Variants in TTI1 observed in about 807,000 individuals in gnomAD.
The protein encoded by TTI1 is TELO2-interacting protein 1 homolog.
In TTI1, 52 loss-of-function variants were observed where a neutral mutation model predicts 85.4. That is an observed-to-expected ratio of 0.61 (90% CI 0.49 to 0.77). The LOEUF (loss-of-function observed/expected upper bound fraction) is 0.77, where lower values mean the gene tolerates loss of function less well. TTI1 is among the 30% of genes least tolerant of loss of function. The pLI is 0.00. For missense variants in TTI1, 1,173 were observed against 1,296.0 expected, an observed-to-expected ratio of 0.91 and a Z score of 1.46; for synonymous variants, 512 against 503.9, an observed-to-expected ratio of 1.02 and a Z score of -0.22.
chr20:38,027,169 T>G (rs1419341365), intron 1 of TTI1, among the ~76,000 whole-genome samples: 1 of 152,130 alleles, frequency 6.6e-6, no homozygotes, highest in Non-Finnish European at 1.5e-5. Flanking sequence ...CAGGGACTGG[T>G]TCCAAGACTT....
chr20:37,985,360 T>C (rs1053375010), intron 7 of TTI1, among the ~76,000 whole-genome samples: 2 of 152,180 alleles, frequency 1.3e-5, no homozygotes, highest in Non-Finnish European at 2.9e-5. Flanking sequence ...GCCTGCTAAG[T>C]CGGAGTAAAT....
chr20:38,032,675 C>T (rs2073930771), intron 1 of TTI1, among the ~76,000 whole-genome samples: 1 of 152,224 alleles, frequency 6.6e-6, no homozygotes, highest in Admixed American at 6.5e-5. Flanking sequence ...ACCTCTAACT[C>T]CTGGGCTCAA....
At chr20:38,007,748 G>A (rs908610369) in intron 2 of TTI1, among the ~76,000 whole-genome samples, 2 of 152,252 alleles carry the variant, frequency 1.3e-5, no homozygotes, top group African/African-American at 4.8e-5. Flanking sequence ...AGCAGCAGCA[G>A]ATGGGAGATG....
rs543939757 is a variant in TTI1 at position 38,019,125 on chromosome 20, C to T, written c.-41-5268G>A. ...TGATTGTGCCACTGTACTCTAGCCTCGGTGACAGAGTGAGCAGGTCTAAAA... is the reference window on the plus strand; with the variant it reads ...TGATTGTGCCACTGTACTCTAGCCTTGGTGACAGAGTGAGCAGGTCTAAAA... On this transcript the variant is annotated intron_variant, in intron 1 of 7. Coordinates refer to ENST00000373447, the MANE Select transcript of TTI1 (RefSeq NM_001303457.2). 6.7e-5 allele frequency: 10 copies of T among 148,908 alleles called. No homozygotes were observed. The South Asian group carries it at 8.5e-4, about 13-fold the overall frequency. The allele number at this position is 148,908 out of a possible 1,614,324, so 9.2% of individuals were successfully genotyped here. A position where few individuals can be genotyped will look rare whatever the true frequency, so the allele number is the denominator to read the frequency against.
At position 38,003,627 on chromosome 20, in the gene TTI1, C is replaced by T. The variant is rs6123257; in HGVS notation, c.2504-851G>A. On this transcript the variant is annotated intron_variant, in intron 3 of 7. Coordinates refer to ENST00000373447, the MANE Select transcript of TTI1 (RefSeq NM_001303457.2). ...ATTAGCCGGGCATAGTGGCGGGCGCCTGTAATCTTAACTACTTGGGAGGGT... is the reference window on the plus strand; with the variant it reads ...ATTAGCCGGGCATAGTGGCGGGCGCTTGTAATCTTAACTACTTGGGAGGGT... 5.7e-4 allele frequency among the ~76,000 whole-genome samples: 86 copies of T among 152,094 alleles called. 1 individual carries two copies. The East Asian group carries it at 0.015, about 27-fold the overall frequency.
At chr20:38,020,326 ATATATATATAT>A (rs1568629128) in intron 1 of TTI1, among the ~76,000 whole-genome samples, 12 of 77,558 alleles carry the variant, frequency 1.5e-4, no homozygotes, top group South Asian at 1.4e-3. Context: ...AAAAAAAAAT[ATATATATATAT>A]ATATATATAT....
At chr20:38,022,570 T>C (rs1319159658) in intron 1 of TTI1, among the ~76,000 whole-genome samples, 1 of 152,198 alleles carries the variant, frequency 6.6e-6, no homozygotes, top group Non-Finnish European at 1.5e-5. Context: ...CTATTCCGAA[T>C]CGGATTCTAG....
intron 7 of TTI1, among the ~76,000 whole-genome samples, chr20:37,996,127 C>A (rs537004248): frequency 2.2e-4 from 33 of 152,342 alleles, no homozygotes; most frequent in African/African-American, 7.9e-4. Flanking sequence ...TCCTCTCTAG[C>A]ACACCGTCTT....
At chr20:38,017,994 T>G (rs1166891812) in intron 1 of TTI1, among the ~76,000 whole-genome samples, 3 of 152,228 alleles carry the variant, frequency 2.0e-5, no homozygotes, top group Non-Finnish European at 4.4e-5. Context: ...AGTATTTAAT[T>G]AACAGAAGAA....
At chr20:37,989,691 G>A (rs1446705160) in intron 7 of TTI1, among the ~76,000 whole-genome samples, 3 of 152,188 alleles carry the variant, frequency 2.0e-5, no homozygotes, top group African/African-American at 4.8e-5. Context: ...CTGCACTCTC[G>A]GGCCACATTG....
chr20:38,011,953 T>G lies in TTI1; in HGVS notation c.1864A>C (p.Ser622Arg). The change falls in exon 2 of 8, where the codon AGT becomes CGT. Residue 622 changes from serine (S) to arginine (R), a missense_variant. Ser to Arg is a moderately radical substitution (Grantham distance 110). Transcript: ENST00000373447. ...KPSPTICSMN[S>R]NIWQICIQLE... ...TGAATGCATATTTGCCAGATGTTAC[T>G]GTTCATGGAGCAAATAGTGGGACTT... is the stretch of plus-strand genomic sequence containing the variant. 1.9e-6 allele frequency: 3 copies of G among 1,614,254 alleles called. No homozygotes were observed. Among genetic ancestry groups the G allele is most frequent in the South Asian group, 2.2e-5 (2 of 91,088 alleles).
intron 1 of TTI1, among the ~76,000 whole-genome samples, chr20:38,015,468 G>A (rs2073669309): frequency 6.6e-6 from 1 of 152,140 alleles, no homozygotes; most frequent in Admixed American, 6.5e-5. Flanking sequence ...ATGAACCAGA[G>A]GCTGCTTTGC....
Position 38,012,389 on chromosome 20 carries a change from G to T in TTI1, c.1428C>A (p.Phe476Leu). The T allele has an allele frequency of 6.2e-7, 1 of 1,614,208 alleles. No homozygotes were observed. The highest frequency in any genetic ancestry group is 1.1e-5 in the South Asian group (1 of 91,082). The change falls in exon 2 of 8, where the codon TTC (phenylalanine) becomes TTA (leucine). Residue 476 changes from phenylalanine to leucine, a missense_variant. Transcript: ENST00000373447. ...AGATTCTCTCATCAGTGAAGAAGCG[G>T]AAATATCTCCTCTGGATGCGGTTCC... is the stretch of plus-strand genomic sequence containing the variant. ...QPWNRIQRRYFRFFTDERIFM... is the reference protein window; with the variant it reads ...QPWNRIQRRYLRFFTDERIFM...
At chr20:38,010,837 G>A (rs2073575300) in intron 2 of TTI1, among the ~76,000 whole-genome samples, 1 of 152,168 alleles carries the variant, frequency 6.6e-6, no homozygotes. Flanking sequence ...TCAGTGGGAA[G>A]AAGAGAAACT....
At chr20:38,021,651 T>C (rs758175452) in intron 1 of TTI1, among the ~76,000 whole-genome samples, 1 of 152,186 alleles carries the variant, frequency 6.6e-6, no homozygotes, top group Non-Finnish European at 1.5e-5. Context: ...CTTTCTAGTT[T>C]AGTGGCCCTC....
intron 4 of TTI1, among the ~76,000 whole-genome samples, chr20:38,002,322 C>T (rs980104741): frequency 6.6e-6 from 1 of 152,150 alleles, no homozygotes; most frequent in African/African-American, 2.4e-5. Flanking sequence ...AAACCTGCAT[C>T]CTACATAGCT....
At chr20:38,011,426 CACAAACAATGCA>C in intron 2 of TTI1, 77 bp downstream of exon 2, 1 of 1,458,462 alleles carries the variant, frequency 6.9e-7, no homozygotes, top group South Asian at 1.4e-5. Flanking sequence ...ATAGCATCAC[CACAAACAATGCA>C]AAAAACGAGG....
At position 38,006,255 on chromosome 20, in the gene TTI1, G is replaced by A; in HGVS notation, c.2445C>T (p.Asn815=). The part of the protein sequence containing the change: ...TAEDIEQFLL[N]YLKEKDVADG... ...CTGCCACATCCTTCTCTTTGAGGTA[G>A]TTCAGCAAAAACTGTTCGATGTCTT... Residue 815 remains asparagine, a synonymous_variant, in exon 3 of 8, where the codon AAC becomes AAT. Transcript: ENST00000373447. 2 of 1,614,182 alleles carry A rather than the reference G, an allele frequency of 1.2e-6. No homozygotes were observed. The highest frequency in any genetic ancestry group is 2.2e-5 in the South Asian group (2 of 91,086).
At position 37,983,336 on chromosome 20, in the gene TTI1, T is replaced by C; in HGVS notation, c.*120A>G. On this transcript the variant is annotated 3_prime_UTR_variant, in exon 8 of 8. Transcript: ENST00000373447. ...GTGATCGATCAATTTATAAATCGAT[T>C]GGCTAACTAATTCACCTTCTCTGCT... 1 of 956,804 alleles carries C rather than the reference T, an allele frequency of 1.0e-6. No homozygotes were observed. The highest frequency in any genetic ancestry group is 1.5e-6 in the Non-Finnish European group (1 of 659,378). 59.3% of individuals were successfully genotyped at this position (956,804 alleles called of 1,614,324 possible). A position where few individuals can be genotyped will look rare whatever the true frequency, so the allele number is the denominator to read the frequency against.
Sources: allele counts gnomAD v4.1 joint callset (sites outside exome capture counted in the v4.1 genomes callset), GRCh38; gene constraint gnomAD v4.1.1; transcripts MANE v1.5; gene names NCBI Gene and HGNC (gene_info 2026-07-23, HGNC 2026-07-21).